Variants in ARSG observed in about 807,000 individuals in gnomAD.
ARSG encodes the protein arylsulfatase G.
In ARSG, 37 loss-of-function variants were observed where a neutral mutation model predicts 50.5. That is an observed-to-expected ratio of 0.73 (90% CI 0.56 to 0.96). The LOEUF is 0.96. Among genes scored for constraint, ARSG ranks in the 50% least tolerant of loss-of-function variants. ARSG has a pLI of 0.00. For synonymous variants in ARSG, 225 were observed against 254.6 expected (o/e 0.88, Z 1.11); for missense variants, 629 against 675.3 (o/e 0.93, Z 0.76).
chr17:68,263,637 T>C (rs1290060726), intron 1 of ARSG, among the ~76,000 whole-genome samples: 1 of 151,992 alleles, frequency 6.6e-6, no homozygotes, highest in Non-Finnish European at 1.5e-5. Context: ...ACCTGGCTAA[T>C]TTTGGTTTCG....
chr17:68,378,281 T>C lies in ARSG; in HGVS notation c.983-6783T>C, dbSNP rs1309354963. On this transcript the variant is annotated intron_variant, in intron 8 of 11. Coordinates refer to ENST00000621439, the MANE Select transcript of ARSG (RefSeq NM_001267727.2). This position sits in a 1 kb window ranked among gnomAD's most constrained non-coding sequence, Gnocchi z 4.4. Reference sequence around the variant, plus strand: ...TTTCGCAACGGAGTAGGACAAACAGTACCCGGAGTCGTGCAACTTTCTCCC... The same window carrying C: ...TTTCGCAACGGAGTAGGACAAACAGCACCCGGAGTCGTGCAACTTTCTCCC... 6.6e-6 allele frequency among the ~76,000 whole-genome samples: 1 copy of C among 152,252 alleles called. No individual in the cohort carries two copies. The highest frequency in any genetic ancestry group is 1.5e-5 in the Non-Finnish European group (1 of 68,040).
At chr17:68,338,542 C>T (rs181375067) in intron 2 of ARSG, among the ~76,000 whole-genome samples, 1 of 152,240 alleles carries the variant, frequency 6.6e-6, no homozygotes, top group Admixed American at 6.5e-5. Flanking sequence ...AGGGTGTGCC[C>T]TTGGATACCT....
At chr17:68,313,652 A>T (rs908627395) in intron 2 of ARSG, among the ~76,000 whole-genome samples, 1 of 150,890 alleles carries the variant, frequency 6.6e-6, no homozygotes, top group Non-Finnish European at 1.5e-5. Flanking sequence ...AGTCTGGTGC[A>T]ATTAGCTGTA....
intron 1 of ARSG, among the ~76,000 whole-genome samples, chr17:68,263,845 C>T (rs1333609818): frequency 5.9e-5 from 9 of 152,032 alleles, no homozygotes; most frequent in Non-Finnish European, 1.2e-4. Flanking sequence ...ATCATGATTT[C>T]TTTTTTATTT....
intron 1 of ARSG, among the ~76,000 whole-genome samples, chr17:68,299,820 C>A (rs1555760976): frequency 1.3e-5 from 2 of 151,902 alleles, no homozygotes; most frequent in Non-Finnish European, 2.9e-5. Flanking sequence ...ATGATACTAA[C>A]CAATTGTTAA....
At chr17:68,270,141 C>CAAA (rs2075289172) in intron 1 of ARSG, among the ~76,000 whole-genome samples, 1 of 152,136 alleles carries the variant, frequency 6.6e-6, no homozygotes, top group South Asian at 2.1e-4. Context: ...AAATACCTTT[C>CAAA]CTAAGAAAGG....
the ARSG span, among the ~76,000 whole-genome samples, chr17:68,441,660 C>A: frequency 6.6e-6 from 1 of 152,144 alleles, no homozygotes; most frequent in Non-Finnish European, 1.5e-5. Flanking sequence ...GAGAGGGCTG[C>A]GGAGTGAGTC....
intron 1 of ARSG, among the ~76,000 whole-genome samples, chr17:68,301,469 G>A (rs1568437657): frequency 6.6e-6 from 1 of 152,182 alleles, no homozygotes; most frequent in Non-Finnish European, 1.5e-5. Flanking sequence ...GTGGCTACCC[G>A]AGCAGAAGGG....
At chr17:68,293,815 A>C (rs2076109105) in intron 1 of ARSG, among the ~76,000 whole-genome samples, 1 of 152,176 alleles carries the variant, frequency 6.6e-6, no homozygotes, top group Admixed American at 6.6e-5. Flanking sequence ...TGAATAATGG[A>C]GAGGTAGCTG....
At chr17:68,357,730 C>G (rs975473670) in intron 6 of ARSG, among the ~76,000 whole-genome samples, 1 of 152,114 alleles carries the variant, frequency 6.6e-6, no homozygotes, top group Non-Finnish European at 1.5e-5. Context: ...GTGGTGGGGT[C>G]TACAGTGAAC....
intron 8 of ARSG, among the ~76,000 whole-genome samples, chr17:68,372,158 C>G (rs530776090): frequency 6.6e-6 from 1 of 152,130 alleles, no homozygotes; most frequent in Non-Finnish European, 1.5e-5. Flanking sequence ...AATTTTAGAT[C>G]TGGGACTGTG....
intron 10 of ARSG, 38 bp from the exon 11 acceptor site, chr17:68,401,322 C>A: frequency 1.3e-6 from 2 of 1,588,220 alleles, no homozygotes; most frequent in South Asian, 1.1e-5. Flanking sequence ...CGAGTTCTGC[C>A]AATTTTTCTA....
chr17:68,441,908 A>G, the ARSG span, among the ~76,000 whole-genome samples: 1 of 152,230 alleles, frequency 6.6e-6, no homozygotes, highest in Non-Finnish European at 1.5e-5. Context: ...CTGGTCTTTC[A>G]GAAGAAATAC....
intron 8 of ARSG, among the ~76,000 whole-genome samples, chr17:68,384,111 CCAAA>C (rs2080581272): frequency 6.6e-6 from 1 of 152,166 alleles, no homozygotes; most frequent in East Asian, 1.9e-4. Context: ...TTCACACCAG[CCAAA>C]CAAAGGGAAA....
At chr17:68,318,313 T>C (rs1381812375) in intron 2 of ARSG, among the ~76,000 whole-genome samples, 1 of 152,232 alleles carries the variant, frequency 6.6e-6, no homozygotes, top group Non-Finnish European at 1.5e-5. Flanking sequence ...GTTTGGTTCT[T>C]GCTGGCAGCA....
chr17:68,350,816 A>G (rs868480283), intron 4 of ARSG, among the ~76,000 whole-genome samples: 1 of 151,560 alleles, frequency 6.6e-6, no homozygotes, highest in Non-Finnish European at 1.5e-5. Context: ...TAAAATAAAT[A>G]AATACATAAA....
intron 1 of ARSG, among the ~76,000 whole-genome samples, chr17:68,279,135 G>A (rs2075616656): frequency 2.0e-5 from 3 of 152,058 alleles, no homozygotes; most frequent in Admixed American, 2.0e-4. Context: ...TGACCTTGAA[G>A]GACTCAACTT....
chr17:68,368,651 G>A lies in ARSG; in HGVS notation c.808G>A (p.Gly270Ser), dbSNP rs1568532824. 1 of 1,614,214 alleles carries A rather than the reference G, an allele frequency of 6.2e-7. No homozygotes were observed. The change falls in exon 7 of 12, where the codon GGT becomes AGT. Residue 270 changes from glycine (G) to serine (S), a missense_variant. Physicochemically the swap from Gly to Ser is moderately conservative, Grantham distance 56 (BLOSUM62 0). Coordinates refer to ENST00000621439, the MANE Select transcript of ARSG (RefSeq NM_001267727.2). Reference sequence around the variant, plus strand: ...AGCGCCACGGGGCAGAAGCCTGTATGGTGCAGGGCTCTGGGAGATGGACAG... The same window carrying A: ...AGCGCCACGGGGCAGAAGCCTGTATAGTGCAGGGCTCTGGGAGATGGACAG... ...PAAPRGRSLY[G>S]AGLWEMDSLV... is the part of the protein sequence containing the mutation.
In ARSG at chr17:68,278,078, G is replaced by C; in HGVS notation, c.-552+18652G>C. ...TACTTACGTCATGGTTAGGCCGAAA[G>C]ATGTACTAACCTGAAAATGTTAAGA... is the stretch of plus-strand genomic sequence containing the variant. On this transcript the variant is annotated intron_variant, in intron 1 of 11. Coordinates refer to the ARSG transcript ENST00000448504. 1.9e-6 allele frequency: 3 copies of C among 1,589,488 alleles called. No homozygotes were observed. The South Asian group carries it at 3.3e-5, about 18-fold the overall frequency.
Sources: gnomAD v4.1 joint callset for allele counts (sites outside exome capture counted in the v4.1 genomes callset) on GRCh38, gnomAD v4.1.1 for gene constraint, Gnocchi (gnomAD v3.1) non-coding constraint, MANE v1.5 for transcripts, NCBI Gene and HGNC (gene_info 2026-07-23, HGNC 2026-07-21) for gene names.